MYO5B: variants seen among roughly 807,000 people sequenced by gnomAD.
MYO5B encodes the protein myosin VB, also known as unconventional myosin-Vb.
MYO5B carries 143 observed loss-of-function variants against 229.3 expected under a neutral mutation model. The observed-to-expected ratio is 0.62, with a 90% confidence interval of 0.54 to 0.72. MYO5B has a LOEUF of 0.72. MYO5B is among the 30% of genes least tolerant of loss of function. The pLI, the probability that MYO5B is intolerant of heterozygous loss-of-function variation, is 0.00. For synonymous variants in MYO5B, 918 were observed against 885.2 expected, an observed-to-expected ratio of 1.04 and a Z score of -0.66; for missense variants, 2,321 against 2,331.0, an observed-to-expected ratio of 1.00 and a Z score of 0.09.
intron 1 of MYO5B, among the ~76,000 whole-genome samples, chr18:50,167,329 G>A (rs1454992799): frequency 6.6e-6 from 1 of 152,176 alleles, no homozygotes; most frequent in East Asian, 1.9e-4. Context: ...ATGTCTCCAA[G>A]TACTTTAAGG....
At chr18:50,172,460 G>T (rs1421591132) in intron 1 of MYO5B, among the ~76,000 whole-genome samples, 1 of 152,136 alleles carries the variant, frequency 6.6e-6, no homozygotes, top group East Asian at 1.9e-4. Flanking sequence ...TCCTACCACT[G>T]TGAGTTTTGT....
In MYO5B at chr18:49,936,284, G is replaced by A; in HGVS notation, c.1971C>T (p.Cys657=). 1 of 1,603,744 alleles carries A rather than the reference G, an allele frequency of 6.2e-7. No individual in the cohort carries two copies. ...LNATTPHYVR[C]IKPNDEKLPF... is the part of the protein sequence containing the mutation. ...GGAGCTTCTCATCGTTGGGCTTGAT[G>A]CAGCGGACATAGTGAGGTGTCGTGG... The change falls in exon 16 of 40, where the codon TGC becomes TGT. Residue 657 remains cysteine (C), a synonymous_variant. Coordinates refer to ENST00000285039, the MANE Select transcript of MYO5B (RefSeq NM_001080467.3).
chr18:50,008,391 A>G (rs1490579752), intron 4 of MYO5B, among the ~76,000 whole-genome samples: 1 of 152,200 alleles, frequency 6.6e-6, no homozygotes, highest in Non-Finnish European at 1.5e-5. Flanking sequence ...TTTAAGAGGA[A>G]GTCCTCAGCA....
At chr18:49,928,655 GAA>G (rs2025156113) in intron 17 of MYO5B, among the ~76,000 whole-genome samples, 1 of 152,140 alleles carries the variant, frequency 6.6e-6, no homozygotes, top group Non-Finnish European at 1.5e-5. Context: ...GTCGTTATAT[GAA>G]AAAGACACTG....
intron 26 of MYO5B, 53 bp downstream of exon 26, chr18:49,875,634 T>C: frequency 6.2e-7 from 1 of 1,612,108 alleles, no homozygotes; most frequent in Non-Finnish European, 8.5e-7. Flanking sequence ...ACACAAGAGC[T>C]AGATTGTTCT....
At chr18:50,079,829 C>T (rs148891838) in intron 1 of MYO5B, among the ~76,000 whole-genome samples, 6 of 152,150 alleles carry the variant, frequency 3.9e-5, no homozygotes, top group Non-Finnish European at 7.4e-5. Flanking sequence ...CAGTTGAATG[C>T]CTGCCTGCCT....
intron 1 of MYO5B, among the ~76,000 whole-genome samples, chr18:50,181,789 T>C (rs981898841): frequency 1.3e-5 from 2 of 152,144 alleles, no homozygotes; most frequent in Non-Finnish European, 2.9e-5. Flanking sequence ...ATACACACAG[T>C]AAAATGGCAA....
At chr18:50,171,160 T>C (rs1339671532) in intron 1 of MYO5B, among the ~76,000 whole-genome samples, 1 of 127,952 alleles carries the variant, frequency 7.8e-6, no homozygotes, top group Non-Finnish European at 1.7e-5. Context: ...CATAAGACAG[T>C]GCTGGGCACT....
chr18:50,025,515 G>A (rs565095478), intron 4 of MYO5B, among the ~76,000 whole-genome samples: 1 of 152,272 alleles, frequency 6.6e-6, no homozygotes, highest in African/African-American at 2.4e-5. Context: ...TTTCTCTGCT[G>A]AAAACCCTGC....
At chr18:49,961,194 T>A (rs986580387) in intron 12 of MYO5B, among the ~76,000 whole-genome samples, 1 of 152,202 alleles carries the variant, frequency 6.6e-6, no homozygotes, top group African/African-American at 2.4e-5. Context: ...CTACTCAATC[T>A]AGGGACAATT....
intron 4 of MYO5B, among the ~76,000 whole-genome samples, chr18:50,008,178 T>A (rs4398183): frequency 6.6e-6 from 1 of 152,134 alleles, no homozygotes; most frequent in South Asian, 2.1e-4. Flanking sequence ...TCATCAGTGC[T>A]GGCTGGCTTG....
intron 1 of MYO5B, among the ~76,000 whole-genome samples, chr18:50,180,756 G>T (rs150730527): frequency 1.5e-4 from 23 of 152,188 alleles, no homozygotes; most frequent in African/African-American, 5.3e-4. Context: ...CCTCATATAA[G>T]TGGAAACATA....
chr18:50,032,269 C>A (rs895536230), intron 4 of MYO5B, among the ~76,000 whole-genome samples: 1 of 152,148 alleles, frequency 6.6e-6, no homozygotes, highest in Non-Finnish European at 1.5e-5. Context: ...AGTACATTTG[C>A]CAAATTGTGC....
intron 14 of MYO5B, among the ~76,000 whole-genome samples, chr18:49,941,650 C>A (rs535142893): frequency 1.4e-4 from 22 of 152,168 alleles, no homozygotes; most frequent in Non-Finnish European, 2.8e-4. Context: ...AGCTTCTCAG[C>A]ATCTTTGAAA....
At chr18:49,985,678 T>C (rs1178637890) in intron 7 of MYO5B, among the ~76,000 whole-genome samples, 1 of 152,216 alleles carries the variant, frequency 6.6e-6, no homozygotes, top group Non-Finnish European at 1.5e-5. Flanking sequence ...TGGCACTTCA[T>C]GCTCTAAGTG....
chr18:50,029,013 G>C (rs1341382519), intron 4 of MYO5B, among the ~76,000 whole-genome samples: 1 of 152,120 alleles, frequency 6.6e-6, no homozygotes, highest in African/African-American at 2.4e-5. Context: ...AAAAGGAGAT[G>C]GCAATATCCA....
Position 50,171,479 on chromosome 18 carries a change from T to C in MYO5B, c.27+23288A>G, listed in dbSNP as rs1344102354. On this transcript the variant is annotated intron_variant, in intron 1 of 39. Transcript: ENST00000285039. ...CAGAACATTCCAGGCAGATACAGCA[T>C]GGATATGGAAAACTCAAGGTACATT... Among the ~76,000 whole-genome samples, 7 of 127,740 alleles carry C rather than the reference T, an allele frequency of 5.5e-5. 1 individual carries two copies. The highest frequency in any genetic ancestry group is 1.0e-4 in the Non-Finnish European group (6 of 59,888). The allele number at this position is 127,740 out of a possible 152,430, so 83.8% of individuals were successfully genotyped here.
chr18:50,145,656 AG>A (rs1384527348), intron 1 of MYO5B, among the ~76,000 whole-genome samples: 8 of 152,168 alleles, frequency 5.3e-5, no homozygotes, highest in African/African-American at 1.9e-4. Context: ...TTTTTTAAAA[AG>A]TATTCAACCA....
chr18:50,188,663 T>G (rs2033182024), intron 1 of MYO5B, among the ~76,000 whole-genome samples: 1 of 151,890 alleles, frequency 6.6e-6, no homozygotes, highest in Non-Finnish European at 1.5e-5. Flanking sequence ...GGCACACACC[T>G]GTAGTCCCAG....
Sources: allele counts gnomAD v4.1 joint callset (sites outside exome capture counted in the v4.1 genomes callset), GRCh38; gene constraint gnomAD v4.1.1; transcripts MANE v1.5; gene names NCBI Gene and HGNC (gene_info 2026-07-23, HGNC 2026-07-21).